DAB1: variants seen among roughly 807,000 people sequenced by gnomAD.
DAB1 encodes the protein disabled homolog 1.
Under a neutral mutation model 64.6 loss-of-function variants are expected in DAB1, and 15 were observed. The observed-to-expected ratio is 0.23, with a 90% CI of 0.16 to 0.36. The LOEUF (loss-of-function observed/expected upper bound fraction) is 0.36, where lower values mean the gene tolerates loss of function less well. Ranked by LOEUF, DAB1 falls within the 10% of genes least tolerant of loss-of-function variation. DAB1 has a pLI of 1.00. For synonymous variants in DAB1, 235 were observed against 251.9 expected (o/e 0.93, Z 0.64); for missense variants, 596 against 706.7 (o/e 0.84, Z 1.78).
chr1:58,317,066 C>T (rs116140668), intron 4 of DAB1, among the ~76,000 whole-genome samples: 38 of 152,310 alleles, frequency 2.5e-4, no homozygotes, highest in African/African-American at 8.7e-4. Context: ...TTAGATGCTG[C>T]GGAGGGAAGA....
chr1:57,948,555 T>A (rs1645217989), intron 5 of DAB1, among the ~76,000 whole-genome samples: 1 of 152,132 alleles, frequency 6.6e-6, no homozygotes. Context: ...GCGTTTTGAG[T>A]CTAGTCGATT....
chr1:57,869,423 A>G (rs1569884919), intron 1 of DAB1, among the ~76,000 whole-genome samples: 1 of 149,702 alleles, frequency 6.7e-6, no homozygotes, highest in East Asian at 1.9e-4. Flanking sequence ...AACTCTATTC[A>G]TGCACAAACA....
intron 2 of DAB1, among the ~76,000 whole-genome samples, chr1:57,151,807 A>ATTTTTTTTTT (rs34012935): frequency 1.0e-4 from 11 of 106,252 alleles, no homozygotes; most frequent in African/African-American, 3.5e-4. Flanking sequence ...CTAATGTTTA[A>ATTTTTTTTTT]TTTTTTTTTT....
intron 7 of DAB1, among the ~76,000 whole-genome samples, chr1:57,523,276 CA>C (rs1644551876): frequency 6.6e-6 from 1 of 152,052 alleles, no homozygotes; most frequent in South Asian, 2.1e-4. Flanking sequence ...AGATTGGTTC[CA>C]GAGAAAATAC....
intron 2 of DAB1, among the ~76,000 whole-genome samples, chr1:57,266,905 T>C (rs2100575995): frequency 6.6e-6 from 1 of 152,222 alleles, no homozygotes; most frequent in East Asian, 1.9e-4. Flanking sequence ...AGTAAATTTA[T>C]GGTATGGGCA....
chr1:57,106,079 T>G (rs1655109773), intron 4 of DAB1, among the ~76,000 whole-genome samples: 3 of 152,212 alleles, frequency 2.0e-5, no homozygotes, highest in Admixed American at 1.3e-4. Flanking sequence ...TCATGTCTTG[T>G]GAGGCCCCTA....
At chr1:58,341,187 A>AT (rs1240070263) in intron 4 of DAB1, among the ~76,000 whole-genome samples, 1 of 152,182 alleles carries the variant, frequency 6.6e-6, no homozygotes, top group Non-Finnish European at 1.5e-5. Flanking sequence ...AGTCAAGTTT[A>AT]TTTTTTACAA....
intron 7 of DAB1, among the ~76,000 whole-genome samples, chr1:57,498,695 A>G (rs986734865): frequency 3.3e-5 from 5 of 152,220 alleles, no homozygotes; most frequent in Non-Finnish European, 7.3e-5. Flanking sequence ...GGATAGCAAT[A>G]AGAGACAGAC....
chr1:57,773,732 C>T lies in DAB1; in HGVS notation n.551+110267G>A, dbSNP rs550206372. On this transcript the variant is annotated intron_variant and non_coding_transcript_variant, in intron 6 of 20. Transcript: ENST00000485760. The stretch of plus-strand genomic sequence containing the variant: ...TTTTCTTTTTCATATAAATATCCAG[C>T]AATTCCACCACTATTTGGTAAAAAG... Among the ~76,000 whole-genome samples, 81 of 152,038 alleles carry T rather than the reference C, an allele frequency of 5.3e-4. 1 individual carries two copies. The South Asian group carries it at 6.6e-3, about 12-fold the overall frequency.
At chr1:58,347,856 T>C (rs1644016627) in intron 3 of DAB1, among the ~76,000 whole-genome samples, 1 of 152,172 alleles carries the variant, frequency 6.6e-6, no homozygotes. Context: ...CTGCTTCTCC[T>C]CCAGGTTCTA....
At chr1:57,677,744 GA>G (rs1305415369) in intron 6 of DAB1, among the ~76,000 whole-genome samples, 2 of 152,176 alleles carry the variant, frequency 1.3e-5, no homozygotes, top group Non-Finnish European at 2.9e-5. Flanking sequence ...TTTGGGTTGG[GA>G]AGGGTATACC....
intron 7 of DAB1, among the ~76,000 whole-genome samples, chr1:57,495,000 C>A (rs764944340): frequency 2.0e-5 from 3 of 152,126 alleles, no homozygotes; most frequent in Non-Finnish European, 4.4e-5. Context: ...TCGAGCCATT[C>A]TCAACAGCCT....
At chr1:58,343,270 T>TGGATGGAC (rs372426703) in intron 4 of DAB1, 2 of 150,120 alleles carry the variant, frequency 1.3e-5, no homozygotes, top group Non-Finnish European at 3.0e-5. Flanking sequence ...GATGGATGGA[T>TGGATGGAC]GGATGGATGG....
chr1:58,143,894 C>T (rs188695822), intron 5 of DAB1, among the ~76,000 whole-genome samples: 21 of 152,334 alleles, frequency 1.4e-4, no homozygotes, highest in African/African-American at 4.6e-4. Flanking sequence ...TATTTTTTCA[C>T]ACAACCAGAT....
At chr1:57,940,256 T>C (rs752861240) in intron 5 of DAB1, among the ~76,000 whole-genome samples, 2 of 152,186 alleles carry the variant, frequency 1.3e-5, no homozygotes, top group Non-Finnish European at 2.9e-5. Context: ...CGGCTGTATA[T>C]TGACAACAAA....
At chr1:57,805,900 A>G (rs1651338653) in intron 6 of DAB1, among the ~76,000 whole-genome samples, 1 of 152,118 alleles carries the variant, frequency 6.6e-6, no homozygotes, top group African/African-American at 2.4e-5. Flanking sequence ...TTCAACCATC[A>G]TTATTTCTCC....
chr1:58,174,572 C>T (rs1053927282), intron 4 of DAB1, among the ~76,000 whole-genome samples: 3 of 152,218 alleles, frequency 2.0e-5, no homozygotes, highest in African/African-American at 4.8e-5. Context: ...ATTCCAACAG[C>T]AGTTGGGGTG....
At position 57,302,819 on chromosome 1, in the gene DAB1, G is replaced by C. The variant is rs148325429; in HGVS notation, c.-136-11653C>G. 7.6e-3 allele frequency among the ~76,000 whole-genome samples: 1,159 copies of C among 152,274 alleles called. 6 individuals are homozygous for C. Among genetic ancestry groups the C allele is most frequent in the Non-Finnish European group, 0.012 (840 of 68,020 alleles). On this transcript the variant is annotated intron_variant, in intron 1 of 14. Transcript: ENST00000371236. ...CCAGGTGATTCTAAAATGCAGCCAA[G>C]TTTGGCAAACACAGGAATAAAGGTT...
chr1:57,005,468 T>C (rs1289595899), intron 14 of DAB1, among the ~76,000 whole-genome samples: 1 of 152,150 alleles, frequency 6.6e-6, no homozygotes, highest in Non-Finnish European at 1.5e-5. Context: ...CTTTGTTAGA[T>C]GGGAATAGAG....
Sources: gnomAD v4.1 joint callset for allele counts (sites outside exome capture counted in the v4.1 genomes callset) on GRCh38, gnomAD v4.1.1 for gene constraint, MANE v1.5 for transcripts, NCBI Gene and HGNC (gene_info 2026-07-23, HGNC 2026-07-21) for gene names.